Variants in OTUD7A observed in about 807,000 individuals in gnomAD.
The protein encoded by OTUD7A is OTU domain-containing protein 7A.
Under a neutral mutation model 65.7 loss-of-function variants are expected in OTUD7A, and 12 were observed. The ratio of observed to expected loss-of-function variants is 0.18; its 90% confidence interval spans 0.12 to 0.30. OTUD7A has a LOEUF of 0.30. Ranked by LOEUF, OTUD7A falls within the 10% of genes least tolerant of loss-of-function variation. The pLI, the probability that OTUD7A is intolerant of heterozygous loss-of-function variation, is 1.00. For missense variants in OTUD7A, 1,148 were observed against 1,304.8 expected (o/e 0.88, Z 1.85); for synonymous variants, 641 against 586.3 (o/e 1.09, Z -1.35).
At chr15:31,650,876 A>G (rs1891813818) in intron 3 of OTUD7A, among the ~76,000 whole-genome samples, 1 of 146,022 alleles carries the variant, frequency 6.8e-6, no homozygotes, top group East Asian at 2.1e-4. Flanking sequence ...AATTTTGCAA[A>G]GAAATGGAAG....
In OTUD7A at chr15:31,623,540, C is replaced by G. The variant is rs560824490; in HGVS notation, c.151+31556G>C. Among the ~76,000 whole-genome samples the G allele has an allele frequency of 1.0e-3, 153 of 152,340 alleles. 4 individuals carry two copies. Among genetic ancestry groups the G allele is most frequent in the African/African-American group, 3.6e-3 (148 of 41,578 alleles). ...TGCTGTGCTAGCAATGAGCGAGGCT[C>G]CGTGGGCGTGGGACCCTCCGAGCCA... On this transcript the variant is annotated intron_variant, in intron 3 of 12. Transcript: ENST00000307050.
intron 1 of OTUD7A, among the ~76,000 whole-genome samples, chr15:31,858,898 G>A (rs1407905552): frequency 3.3e-5 from 5 of 152,244 alleles, no homozygotes; most frequent in Admixed American, 3.3e-4. Flanking sequence ...CCTGAAGACA[G>A]GGCATCCCAA....
At chr15:31,819,480 A>C (rs1182352682) in intron 1 of OTUD7A, among the ~76,000 whole-genome samples, 1 of 152,252 alleles carries the variant, frequency 6.6e-6, no homozygotes, top group Non-Finnish European at 1.5e-5. Context: ...AAATATTCAG[A>C]GAGAAAAGAA....
intron 10 of OTUD7A, among the ~76,000 whole-genome samples, chr15:31,493,003 C>T (rs1418972974): frequency 2.0e-5 from 3 of 151,958 alleles, no homozygotes; most frequent in African/African-American, 4.8e-5. Flanking sequence ...GTCAGGGGTT[C>T]GAGACCAGCC....
chr15:31,738,655 A>G (rs1250575770), intron 1 of OTUD7A, among the ~76,000 whole-genome samples: 1 of 152,182 alleles, frequency 6.6e-6, no homozygotes, highest in Non-Finnish European at 1.5e-5. Flanking sequence ...GTACATGCAC[A>G]CGCTGCTCCT....
At chr15:31,746,966 G>A (rs1264052550) in intron 1 of OTUD7A, among the ~76,000 whole-genome samples, 1 of 152,182 alleles carries the variant, frequency 6.6e-6, no homozygotes, top group East Asian at 1.9e-4. Flanking sequence ...GCGTTTGTCA[G>A]AATCTGTTCA....
chr15:31,564,387 G>GTTTTTTTTTGT (rs1888795312), intron 4 of OTUD7A, among the ~76,000 whole-genome samples: 1 of 119,910 alleles, frequency 8.3e-6, no homozygotes, highest in African/African-American at 2.9e-5. Flanking sequence ...TTTGAGGAAG[G>GTTTTTTTTTGT]TTTTTTTTTT....
chr15:31,803,430 T>C (rs1266828427), intron 1 of OTUD7A, among the ~76,000 whole-genome samples: 1 of 152,200 alleles, frequency 6.6e-6, no homozygotes, highest in Non-Finnish European at 1.5e-5. Context: ...CACTGATGGC[T>C]CTGATTCTCC....
chr15:31,531,588 G>A (rs557387305), intron 5 of OTUD7A, among the ~76,000 whole-genome samples: 1 of 150,028 alleles, frequency 6.7e-6, no homozygotes, highest in African/African-American at 2.4e-5. Context: ...TACCAGGAAA[G>A]GGGTAGCTTA....
At chr15:31,610,285 G>A (rs986572037) in intron 3 of OTUD7A, among the ~76,000 whole-genome samples, 2 of 152,002 alleles carry the variant, frequency 1.3e-5, no homozygotes, top group East Asian at 3.9e-4. Flanking sequence ...ACCTAACACC[G>A]GAGCTCCCAA....
intron 8 of OTUD7A, among the ~76,000 whole-genome samples, chr15:31,525,711 A>C (rs1306573343): frequency 3.3e-5 from 5 of 152,248 alleles, no homozygotes; most frequent in African/African-American, 1.2e-4. Flanking sequence ...AGCCGCGGCC[A>C]AGGCTCTATG....
intron 1 of OTUD7A, among the ~76,000 whole-genome samples, chr15:31,753,723 A>ATATATATATAT (rs1567005139): frequency 1.1e-4 from 9 of 83,830 alleles, no homozygotes; most frequent in Non-Finnish European, 1.9e-4. Context: ...TATATATATT[A>ATATATATATAT]TATATATATA....
intron 1 of OTUD7A, among the ~76,000 whole-genome samples, chr15:31,710,090 G>A (rs1893403608): frequency 6.6e-6 from 1 of 152,084 alleles, no homozygotes; most frequent in African/African-American, 2.4e-5. Context: ...GTCACCACGA[G>A]TGTGCACTGA....
intron 1 of OTUD7A, among the ~76,000 whole-genome samples, chr15:31,681,011 GTATCGGTCTGCCTGC>G: frequency 6.8e-6 from 1 of 147,734 alleles, no homozygotes; most frequent in Non-Finnish European, 1.5e-5. Context: ...AAAAATATAT[GTATCGGTCTGCCTGC>G]CTGTCTGTCC....
At chr15:31,839,859 G>A (rs972037413) in intron 1 of OTUD7A, among the ~76,000 whole-genome samples, 2 of 152,060 alleles carry the variant, frequency 1.3e-5, no homozygotes, top group African/African-American at 4.8e-5. Flanking sequence ...TAAACATCTT[G>A]TAATAACTTC....
At chr15:31,587,924 G>C (rs1889597919) in intron 3 of OTUD7A, among the ~76,000 whole-genome samples, 3 of 151,882 alleles carry the variant, frequency 2.0e-5, no homozygotes, top group Admixed American at 2.0e-4. Flanking sequence ...TCACTTCATT[G>C]TGGTCTCTCC....
intron 8 of OTUD7A, among the ~76,000 whole-genome samples, chr15:31,520,948 T>C (rs183643272): frequency 3.3e-4 from 51 of 152,262 alleles, no homozygotes; most frequent in Admixed American, 8.5e-4. Flanking sequence ...GACTCAGCCA[T>C]AAAAAAGAAT....
At chr15:31,672,461 A>T (rs984704765) in intron 1 of OTUD7A, among the ~76,000 whole-genome samples, 1 of 152,220 alleles carries the variant, frequency 6.6e-6, no homozygotes. Context: ...AAGGAAAATA[A>T]ATGTTACTTG....
chr15:31,682,753 T>G (rs139286082), intron 1 of OTUD7A, among the ~76,000 whole-genome samples: 2,094 of 152,332 alleles, frequency 0.014, 56 homozygotes, highest in African/African-American at 0.049. Flanking sequence ...TGTGAGCATG[T>G]GCATGCATGT....
Sources: allele counts gnomAD v4.1 joint callset (sites outside exome capture counted in the v4.1 genomes callset), GRCh38; gene constraint gnomAD v4.1.1; transcripts MANE v1.5; gene names NCBI Gene and HGNC (gene_info 2026-07-23, HGNC 2026-07-21).